Variants in RB1 observed in about 807,000 individuals in gnomAD.
RB1 encodes retinoblastoma-associated protein.
Under a neutral mutation model 135.4 loss-of-function variants are expected in RB1, and 18 were observed. The observed-to-expected ratio is 0.13, with a 90% confidence interval of 0.09 to 0.20. The LOEUF is 0.20. RB1 is among the 10% of genes least tolerant of loss of function. The pLI, the probability that RB1 is intolerant of heterozygous loss-of-function variation, is 1.00. For missense variants in RB1, 868 were observed against 1,110.0 expected, an observed-to-expected ratio of 0.78 and a Z score of 3.10; for synonymous variants, 365 against 373.2, an observed-to-expected ratio of 0.98 and a Z score of 0.25.
At chr13:48,381,867 C>A (rs1406514093) in intron 17 of RB1, among the ~76,000 whole-genome samples, 1 of 148,242 alleles carries the variant, frequency 6.7e-6, no homozygotes, top group Non-Finnish European at 1.5e-5. Flanking sequence ...CATGACAGGC[C>A]CCAGTGTGTG....
chr13:48,366,884 C>G (rs570039644), intron 9 of RB1, among the ~76,000 whole-genome samples: 1 of 151,932 alleles, frequency 6.6e-6, no homozygotes, highest in Non-Finnish European at 1.5e-5. Flanking sequence ...TTTGGGAGGC[C>G]GAGGCAGGTG....
intron 6 of RB1, among the ~76,000 whole-genome samples, chr13:48,353,809 T>C (rs1952568924): frequency 6.6e-6 from 1 of 152,026 alleles, no homozygotes; most frequent in South Asian, 2.1e-4. Flanking sequence ...CAATGTGGTA[T>C]GTCATATCAA....
At chr13:48,314,488 TA>T in intron 2 of RB1, among the ~76,000 whole-genome samples, 1 of 152,364 alleles carries the variant, frequency 6.6e-6, no homozygotes, top group South Asian at 2.1e-4. Flanking sequence ...AAATAAAATC[TA>T]TTTTTTTTGG....
At chr13:48,318,292 G>T in intron 2 of RB1, 1 of 1,130,118 alleles carries the variant, frequency 8.8e-7, no homozygotes, top group Non-Finnish European at 1.2e-6. Flanking sequence ...CCGCCCAGCT[G>T]CTCCAGGAAG....
At chr13:48,452,437 T>G (rs1949333571) in intron 17 of RB1, among the ~76,000 whole-genome samples, 1 of 152,172 alleles carries the variant, frequency 6.6e-6, no homozygotes, top group Non-Finnish European at 1.5e-5. Context: ...TTTGTATTTT[T>G]GTAGTAATTT....
intron 17 of RB1, chr13:48,411,719 C>A: frequency 6.2e-7 from 1 of 1,604,866 alleles, no homozygotes; most frequent in South Asian, 1.1e-5. Context: ...AGAATATGAT[C>A]AAATGTACAA....
rs546995922 is a variant in RB1 at position 48,318,182 on chromosome 13, G to C, written c.264+10776G>C. 16 of 560,572 alleles carry C rather than the reference G, an allele frequency of 2.9e-5. No homozygotes were observed. In the African/African-American group the frequency reaches 2.9e-4, roughly 10 times the overall value. 34.7% of individuals were successfully genotyped at this position (560,572 alleles called of 1,614,324 possible). A position where few individuals can be genotyped will look rare whatever the true frequency, so the allele number is the denominator to read the frequency against. ...TCTCTGCCATACTGCCACAGACACTGGGAGGTTTGTTCCCTGGACCCTCGC... is the reference window on the plus strand; with the variant it reads ...TCTCTGCCATACTGCCACAGACACTCGGAGGTTTGTTCCCTGGACCCTCGC... On this transcript the variant is annotated intron_variant, in intron 2 of 26. Transcript: ENST00000267163.
intron 5 of RB1, among the ~76,000 whole-genome samples, chr13:48,348,676 C>T (rs1165860767): frequency 4.0e-5 from 6 of 148,234 alleles, no homozygotes; most frequent in African/African-American, 9.9e-5. Flanking sequence ...ACTTTTTTTT[C>T]TTAATTTTTT....
chr13:48,331,987 A>C (rs1952341388), intron 2 of RB1, among the ~76,000 whole-genome samples: 1 of 152,222 alleles, frequency 6.6e-6, no homozygotes, highest in Non-Finnish European at 1.5e-5. Flanking sequence ...CAGTTGAAAA[A>C]TCGCAAATTG....
At chr13:48,392,259 T>C (rs890454374) in intron 17 of RB1, among the ~76,000 whole-genome samples, 5 of 151,900 alleles carry the variant, frequency 3.3e-5, no homozygotes, top group Non-Finnish European at 7.4e-5. Flanking sequence ...TAAAGGCACA[T>C]GCCACCATGC....
At chr13:48,416,369 G>A (rs950100974) in intron 17 of RB1, 2 of 152,282 alleles carry the variant, frequency 1.3e-5, no homozygotes, top group Non-Finnish European at 2.9e-5. Flanking sequence ...AGCCATGAGG[G>A]AATGTGCCAC....
intron 17 of RB1, among the ~76,000 whole-genome samples, chr13:48,446,436 C>T (rs892596069): frequency 1.3e-5 from 2 of 152,116 alleles, no homozygotes; most frequent in Non-Finnish European, 2.9e-5. Context: ...ATAGACAAAG[C>T]CCAAGCCTTC....
chr13:48,389,859 G>T (rs1368087888), intron 17 of RB1: 1 of 152,276 alleles, frequency 6.6e-6, no homozygotes, highest in African/African-American at 2.4e-5. Flanking sequence ...GAGGTTTTAA[G>T]AAACAGGATA....
intron 17 of RB1, among the ~76,000 whole-genome samples, chr13:48,403,871 C>T (rs532348308): frequency 1.3e-5 from 2 of 152,226 alleles, no homozygotes; most frequent in Non-Finnish European, 1.5e-5. Flanking sequence ...AAAAAAAATG[C>T]ACCTCTGTAG....
chr13:48,443,286 T>G (rs893845601), intron 17 of RB1, among the ~76,000 whole-genome samples: 3 of 151,686 alleles, frequency 2.0e-5, no homozygotes, highest in African/African-American at 7.2e-5. Context: ...AATAAGAAAT[T>G]AATAAAATGT....
chr13:48,479,928 T>A, intron 26 of RB1, 70 bp from the exon 27 acceptor site: 1 of 1,216,684 alleles, frequency 8.2e-7, no homozygotes, highest in Non-Finnish European at 1.2e-6. Flanking sequence ...GAGCATAATA[T>A]ATATGGCAGC....
At chr13:48,405,341 T>G (rs1402051147) in intron 17 of RB1, among the ~76,000 whole-genome samples, 1 of 152,188 alleles carries the variant, frequency 6.6e-6, no homozygotes, top group East Asian at 1.9e-4. Context: ...ATTTGTGTAT[T>G]AACAAAAGAA....
chr13:48,458,474 T>G, intron 19 of RB1, among the ~76,000 whole-genome samples: 1 of 152,342 alleles, frequency 6.6e-6, no homozygotes, highest in East Asian at 1.9e-4. Context: ...TTGTCAGATA[T>G]TATCCTTAGG....
chr13:48,341,163 A>G (rs747719456), intron 2 of RB1: 1 of 152,060 alleles, frequency 6.6e-6, no homozygotes, highest in Non-Finnish European at 1.5e-5. Flanking sequence ...AGAATTTCAT[A>G]TGAAAGGAAT....
Sources: gnomAD v4.1 joint callset for allele counts (sites outside exome capture counted in the v4.1 genomes callset) on GRCh38, gnomAD v4.1.1 for gene constraint, MANE v1.5 for transcripts, NCBI Gene and HGNC (gene_info 2026-07-23, HGNC 2026-07-21) for gene names.